DLG2: variants seen among roughly 807,000 people sequenced by gnomAD.
DLG2 encodes disks large homolog 2.
Under a neutral mutation model 132.5 loss-of-function variants are expected in DLG2, and 45 were observed. The observed-to-expected ratio is 0.34, with a 90% CI of 0.27 to 0.44. The LOEUF (loss-of-function observed/expected upper bound fraction) is 0.44. Among genes scored for constraint, DLG2 ranks in the 20% least tolerant of loss-of-function variants. The pLI is 1.00. For missense variants in DLG2, 1,045 were observed against 1,196.9 expected (o/e 0.87, Z 1.87); for synonymous variants, 424 against 419.6 (o/e 1.01, Z -0.13).
At chr11:84,834,089 T>C (rs985253409) in intron 6 of DLG2, among the ~76,000 whole-genome samples, 2 of 151,682 alleles carry the variant, frequency 1.3e-5, no homozygotes, top group Non-Finnish European at 3.0e-5. Context: ...CTAAAAACTA[T>C]AATTTTAGGA....
chr11:85,354,745 T>TCA (rs139924079), intron 3 of DLG2, among the ~76,000 whole-genome samples: 5,415 of 149,266 alleles, frequency 0.036, 136 homozygotes, highest in Admixed American at 0.05. Context: ...TCTCTCTCTC[T>TCA]CACACACACA....
chr11:84,440,120 C>A (rs2099013135), intron 7 of DLG2, among the ~76,000 whole-genome samples: 1 of 152,166 alleles, frequency 6.6e-6, no homozygotes, highest in Non-Finnish European at 1.5e-5. Flanking sequence ...CTTTTTTACA[C>A]ACCTGACCAA....
At chr11:84,273,887 G>A (rs532800846) in intron 7 of DLG2, among the ~76,000 whole-genome samples, 4 of 152,048 alleles carry the variant, frequency 2.6e-5, no homozygotes, top group African/African-American at 9.6e-5. Flanking sequence ...TGTTTATCTG[G>A]GATTATCTCT....
chr11:85,524,490 C>A (rs2153183717), intron 3 of DLG2, among the ~76,000 whole-genome samples: 1 of 148,164 alleles, frequency 6.7e-6, no homozygotes, highest in South Asian at 2.2e-4. Context: ...GAGAACTTCT[C>A]TAATTTTATT....
At position 84,651,006 on chromosome 11, in the gene DLG2, T is replaced by C. The variant is rs567180338; in HGVS notation, c.358-116275A>G. Among the ~76,000 whole-genome samples the C allele has an allele frequency of 6.5e-4, 99 of 151,670 alleles. 1 individual carries two copies. In the South Asian group the frequency reaches 0.01, roughly 16 times the overall value. ...GCTTTTTAAAAAGTGATGGATACTT[T>C]CAAAATGCCCTCCAGAGATGCTGTA... On this transcript the variant is annotated intron_variant, in intron 6 of 27. Transcript: ENST00000376104.
chr11:84,109,447 A>G (rs1162747046), intron 9 of DLG2, among the ~76,000 whole-genome samples: 3 of 152,212 alleles, frequency 2.0e-5, no homozygotes, highest in Non-Finnish European at 2.9e-5. Context: ...TGAATTTAGA[A>G]TAGGCTGGGT....
rs541523151 is a variant in DLG2, at chr11:85,437,150, G to A, written c.41-151785C>T. 3.3e-5 allele frequency among the ~76,000 whole-genome samples: 5 copies of A among 152,154 alleles called. No homozygotes were observed. In the East Asian group the frequency reaches 9.7e-4, roughly 29 times the overall value. On this transcript the variant is annotated intron_variant, in intron 3 of 27. Transcript: ENST00000376104. ...GAATAACATACACCAGGAACTGCGT[G>A]GGGAGGGATGCAAGGGGAGGGAGAG...
chr11:84,922,304 G>A (rs571376579), intron 6 of DLG2, among the ~76,000 whole-genome samples: 2 of 152,048 alleles, frequency 1.3e-5, no homozygotes, highest in Non-Finnish European at 2.9e-5. Context: ...GTTAACCAAG[G>A]ATGTAATTCA....
chr11:85,469,836 C>G (rs2092924654), intron 3 of DLG2: 1 of 152,116 alleles, frequency 6.6e-6, no homozygotes, highest in African/African-American at 2.4e-5. Context: ...ATGATCCTAC[C>G]AGCTATCCAT....
At position 84,607,242 on chromosome 11, in the gene DLG2, T is replaced by C. The variant is rs1048333180; in HGVS notation, c.358-72511A>G. The stretch of plus-strand genomic sequence containing the variant: ...TTCAAGTGATTTACGATAACTATTA[T>C]ATATTTTATGCTAACTCTTAAACAA... On this transcript the variant is annotated intron_variant, in intron 6 of 27. Coordinates refer to ENST00000376104, the MANE Select transcript of DLG2 (RefSeq NM_001142699.3). 5.9e-5 allele frequency among the ~76,000 whole-genome samples: 9 copies of C among 152,184 alleles called. 1 individual carries two copies. Among genetic ancestry groups the C allele is most frequent in the African/African-American group, 1.9e-4 (8 of 41,448 alleles).
At chr11:85,501,510 A>C (rs760462526) in intron 3 of DLG2, among the ~76,000 whole-genome samples, 1 of 152,174 alleles carries the variant, frequency 6.6e-6, no homozygotes, top group Non-Finnish European at 1.5e-5. Context: ...AAATTTTTGC[A>C]ATCTATCCAT....
chr11:85,239,549 A>AT (rs2075771005), intron 4 of DLG2, among the ~76,000 whole-genome samples: 1 of 152,094 alleles, frequency 6.6e-6, no homozygotes, highest in Admixed American at 6.6e-5. Context: ...TAATACATTT[A>AT]TTTTTTAAAA....
chr11:84,311,372 G>A (rs899213987), intron 7 of DLG2, among the ~76,000 whole-genome samples: 4 of 152,076 alleles, frequency 2.6e-5, no homozygotes, highest in Admixed American at 6.5e-5. Flanking sequence ...TTTATATACC[G>A]TATTTTCAAT....
At chr11:84,094,164 A>G (rs888193904) in intron 10 of DLG2, among the ~76,000 whole-genome samples, 1 of 152,114 alleles carries the variant, frequency 6.6e-6, no homozygotes, top group Non-Finnish European at 1.5e-5. Context: ...TCTGGCTCCA[A>G]TATTTACTAG....
chr11:84,491,029 T>C (rs2099163701), intron 7 of DLG2, among the ~76,000 whole-genome samples: 1 of 151,970 alleles, frequency 6.6e-6, no homozygotes, highest in Non-Finnish European at 1.5e-5. Context: ...TCAGAGTTAG[T>C]GGTAGAGCTA....
intron 3 of DLG2, among the ~76,000 whole-genome samples, chr11:85,312,940 CA>C (rs1240677188): frequency 6.6e-6 from 1 of 151,904 alleles, no homozygotes; most frequent in Non-Finnish European, 1.5e-5. Context: ...GGAACTATGG[CA>C]GAGATTTCTA....
chr11:84,677,745 T>C (rs573366276), intron 6 of DLG2, among the ~76,000 whole-genome samples: 165 of 152,040 alleles, frequency 1.1e-3, no homozygotes, highest in Non-Finnish European at 1.8e-3. Context: ...TAATAAAAAT[T>C]AGCTGGGTGC....
intron 4 of DLG2, among the ~76,000 whole-genome samples, chr11:85,231,827 TCTG>T (rs772305792): frequency 2.8e-4 from 43 of 151,956 alleles, no homozygotes; most frequent in Non-Finnish European, 5.0e-4. Context: ...GCAAAGTCCT[TCTG>T]CTCTAGCTCA....
chr11:84,600,155 A>G (rs865995774), intron 6 of DLG2, among the ~76,000 whole-genome samples: 8 of 87,318 alleles, frequency 9.2e-5, no homozygotes, highest in Non-Finnish European at 1.4e-4. Flanking sequence ...AAAGAAAGAA[A>G]GAAGGAAAGA....
Sources: allele counts gnomAD v4.1 joint callset (sites outside exome capture counted in the v4.1 genomes callset), GRCh38; gene constraint gnomAD v4.1.1; transcripts MANE v1.5; gene names NCBI Gene and HGNC (gene_info 2026-07-23, HGNC 2026-07-21).